Variants in AFAP1 observed in about 807,000 individuals in gnomAD.
AFAP1 encodes actin filament-associated protein 1.
A neutral mutation model predicts 93.9 loss-of-function variants in AFAP1; 75 were observed. That is an observed-to-expected ratio of 0.80 (90% CI 0.66 to 0.97). The LOEUF (loss-of-function observed/expected upper bound fraction) is 0.97. AFAP1 is among the 50% of genes least tolerant of loss of function. The pLI, the probability that AFAP1 is intolerant of heterozygous loss-of-function variation, is 0.00. For synonymous variants in AFAP1, 517 were observed against 430.7 expected (o/e 1.20, Z -2.48); for missense variants, 1,201 against 1,050.8 (o/e 1.14, Z -1.98).
chr4:7,792,345 CA>C (rs930645899), intron 11 of AFAP1, among the ~76,000 whole-genome samples: 1 of 151,740 alleles, frequency 6.6e-6, no homozygotes, highest in Non-Finnish European at 1.5e-5. Flanking sequence ...TATACAACAT[CA>C]AAAAAAACTG....
intron 6 of AFAP1, among the ~76,000 whole-genome samples, chr4:7,838,031 G>C (rs374848265): frequency 1.3e-5 from 2 of 152,142 alleles, no homozygotes; most frequent in African/African-American, 4.8e-5. Flanking sequence ...AAAGAAAAAA[G>C]GTTGGTAAAT....
chr4:7,833,589 CTT>C (rs33990733), intron 6 of AFAP1, among the ~76,000 whole-genome samples: 26 of 131,730 alleles, frequency 2.0e-4, no homozygotes, highest in East Asian at 1.6e-3. Context: ...GTGGAGATGT[CTT>C]TTTTTTTTTT....
rs1244571448 is a variant in AFAP1, at chr4:7,939,702, G to A, written c.-49C>T. 4.8e-6 allele frequency: 2 copies of A among 414,870 alleles called. No individual in the cohort carries two copies. The highest frequency in any genetic ancestry group is 1.6e-5 in the South Asian group (1 of 60,716). The allele number at this position is 414,870 out of a possible 1,614,324, so 25.7% of individuals were successfully genotyped here. On this transcript the variant is annotated 5_prime_UTR_variant, in exon 1 of 18. Coordinates refer to ENST00000420658, the MANE Select transcript of AFAP1 (RefSeq NM_001134647.2). The surrounding 1 kb of genome is among the most constrained non-coding windows in gnomAD (Gnocchi z 5.6). Reference sequence around the variant, plus strand: ...GCTCGCTCCTCGCCGCGGCGCCTGGGCCGACTGGAGCGCAGCTGAACAGCC... The same window carrying A: ...GCTCGCTCCTCGCCGCGGCGCCTGGACCGACTGGAGCGCAGCTGAACAGCC...
chr4:7,845,704 A>AAC (rs202179150), intron 4 of AFAP1, among the ~76,000 whole-genome samples: 194 of 151,948 alleles, frequency 1.3e-3, no homozygotes, highest in African/African-American at 4.5e-3. Context: ...ATCCCCCTCC[A>AAC]ACACACCCCA....
chr4:7,838,913 A>G (rs944035744), intron 5 of AFAP1, among the ~76,000 whole-genome samples: 1 of 152,162 alleles, frequency 6.6e-6, no homozygotes, highest in African/African-American at 2.4e-5. Flanking sequence ...AAGTACATCC[A>G]TTCACTGATT....
At chr4:7,904,750 A>G (rs1417940865) in intron 1 of AFAP1, among the ~76,000 whole-genome samples, 1 of 152,172 alleles carries the variant, frequency 6.6e-6, no homozygotes, top group Non-Finnish European at 1.5e-5. Flanking sequence ...TGCTCTGACC[A>G]GGCTGGAGTG....
intron 3 of AFAP1, among the ~76,000 whole-genome samples, chr4:7,860,540 A>G (rs1409801816): frequency 6.6e-6 from 1 of 152,178 alleles, no homozygotes; most frequent in African/African-American, 2.4e-5. Context: ...CGTTCAGAAA[A>G]TAACAGTCAG....
At chr4:7,932,702 C>T (rs1721143933) in intron 1 of AFAP1, among the ~76,000 whole-genome samples, 2 of 152,188 alleles carry the variant, frequency 1.3e-5, no homozygotes, top group South Asian at 2.1e-4. Flanking sequence ...AACAGCCTCA[C>T]ATCAAGTCAG....
chr4:7,840,445 C>G (rs1712878498), intron 5 of AFAP1, among the ~76,000 whole-genome samples: 2 of 151,952 alleles, frequency 1.3e-5, no homozygotes, highest in African/African-American at 4.8e-5. Flanking sequence ...TCCTGAGTAA[C>G]TGGGAGTACA....
chr4:7,880,113 ATC>A (rs1717756009), intron 1 of AFAP1, among the ~76,000 whole-genome samples: 1 of 152,104 alleles, frequency 6.6e-6, no homozygotes, highest in African/African-American at 2.4e-5. Flanking sequence ...TTTACAGAAA[ATC>A]TCTCTGGCTC....
At chr4:7,766,103 C>G (rs1168482342) in intron 17 of AFAP1, among the ~76,000 whole-genome samples, 1 of 152,208 alleles carries the variant, frequency 6.6e-6, no homozygotes, top group Non-Finnish European at 1.5e-5. Flanking sequence ...GTTAAATTCA[C>G]AGCACTAGCA....
intron 6 of AFAP1, among the ~76,000 whole-genome samples, chr4:7,824,785 G>C (rs560114873): frequency 6.6e-6 from 1 of 152,288 alleles, no homozygotes; most frequent in South Asian, 2.1e-4. Flanking sequence ...CGAGAAATTG[G>C]TTAATGGGCA....
At chr4:7,875,070 C>T (rs190891130) in intron 1 of AFAP1, among the ~76,000 whole-genome samples, 41 of 152,214 alleles carry the variant, frequency 2.7e-4, no homozygotes, top group African/African-American at 9.2e-4. Context: ...TTCATTTATT[C>T]GTCACTTACC....
At chr4:7,781,246 T>G (rs1322232709) in intron 13 of AFAP1, 130 bp downstream of exon 13, 1 of 1,194,100 alleles carries the variant, frequency 8.4e-7, no homozygotes, top group Non-Finnish European at 1.2e-6. Flanking sequence ...CAAATTATAT[T>G]CTAGTTGAGA....
At chr4:7,927,929 T>C (rs1720855857) in intron 1 of AFAP1, among the ~76,000 whole-genome samples, 1 of 152,170 alleles carries the variant, frequency 6.6e-6, no homozygotes, top group African/African-American at 2.4e-5. Context: ...ATGGAATTGT[T>C]CTGTGAAAGT....
chr4:7,841,245 T>C (rs1712972623), intron 5 of AFAP1, among the ~76,000 whole-genome samples: 1 of 152,236 alleles, frequency 6.6e-6, no homozygotes. Flanking sequence ...CCATGAGAGC[T>C]CTGGGGCTGG....
intron 17 of AFAP1, among the ~76,000 whole-genome samples, chr4:7,767,313 C>T (rs951355925): frequency 1.3e-4 from 20 of 152,278 alleles, no homozygotes; most frequent in African/African-American, 3.9e-4. Context: ...CTCTGTATGA[C>T]GGAAGCACAC....
intron 6 of AFAP1, among the ~76,000 whole-genome samples, chr4:7,821,639 C>G (rs1035145957): frequency 3.3e-5 from 5 of 152,198 alleles, no homozygotes; most frequent in African/African-American, 1.2e-4. Context: ...GTCTTCTATT[C>G]TTTTTAGGAC....
chr4:7,818,224 C>T (rs1210298339), intron 7 of AFAP1, among the ~76,000 whole-genome samples: 1 of 152,222 alleles, frequency 6.6e-6, no homozygotes, highest in African/African-American at 2.4e-5. Context: ...GACGCCTTCA[C>T]ACTTCACCTG....
Sources: gnomAD v4.1 joint callset for allele counts (sites outside exome capture counted in the v4.1 genomes callset) on GRCh38, gnomAD v4.1.1 for gene constraint, Gnocchi (gnomAD v3.1) non-coding constraint, MANE v1.5 for transcripts, NCBI Gene and HGNC (gene_info 2026-07-23, HGNC 2026-07-21) for gene names.